Variants in DOCK1 observed in about 807,000 individuals in gnomAD.
DOCK1 encodes the protein dedicator of cytokinesis protein 1.
DOCK1 carries 138 observed loss-of-function variants against 262.7 expected under a neutral mutation model. The ratio of observed to expected loss-of-function variants is 0.53; its 90% CI spans 0.46 to 0.61. The LOEUF (loss-of-function observed/expected upper bound fraction) is 0.61. Ranked by LOEUF, DOCK1 falls within the 20% of genes least tolerant of loss-of-function variation. DOCK1 has a pLI of 0.00. For synonymous variants in DOCK1, 866 were observed against 867.4 expected (o/e 1.00, Z 0.03); for missense variants, 1,908 against 2,370.7 (o/e 0.80, Z 4.05).
At chr10:127,180,955 G>A (rs1372365739) in intron 27 of DOCK1, among the ~76,000 whole-genome samples, 1 of 152,154 alleles carries the variant, frequency 6.6e-6, no homozygotes, top group Non-Finnish European at 1.5e-5. Flanking sequence ...AATGGAGGGA[G>A]GTACAGCGTC....
chr10:127,158,715 A>G (rs2053314857), intron 27 of DOCK1, among the ~76,000 whole-genome samples: 1 of 152,210 alleles, frequency 6.6e-6, no homozygotes, highest in Admixed American at 6.5e-5. Context: ...TTTTCTCCCC[A>G]TATGAACTCC....
chr10:127,159,290 A>G (rs2053377779), intron 27 of DOCK1, among the ~76,000 whole-genome samples: 1 of 152,160 alleles, frequency 6.6e-6, no homozygotes, highest in Non-Finnish European at 1.5e-5. Context: ...TACAGAACAC[A>G]GCGTGGAGCT....
chr10:127,294,208 A>C (rs542222050), intron 29 of DOCK1, among the ~76,000 whole-genome samples: 56 of 152,330 alleles, frequency 3.7e-4, no homozygotes, highest in African/African-American at 1.3e-3. Flanking sequence ...TTATAATGCA[A>C]TAGAACAGAT....
At chr10:127,390,094 TA>T (rs1045516964) in intron 38 of DOCK1, among the ~76,000 whole-genome samples, 16 of 152,058 alleles carry the variant, frequency 1.1e-4, no homozygotes, top group African/African-American at 3.6e-4. Flanking sequence ...GCCGTGAGTA[TA>T]AGCTCCCTGA....
chr10:127,102,299 A>G (rs1423466682), intron 23 of DOCK1, among the ~76,000 whole-genome samples: 1 of 152,210 alleles, frequency 6.6e-6, no homozygotes, highest in Non-Finnish European at 1.5e-5. Flanking sequence ...GGGGATAGTA[A>G]TAGGCCTCCT....
At position 127,125,485 on chromosome 10, in the gene DOCK1, A is replaced by C. The variant is rs1480875553; in HGVS notation, c.2635A>C (p.Ile879Leu). 1 of 1,612,946 alleles carries C rather than the reference A, an allele frequency of 6.2e-7. No individual in the cohort carries two copies. The highest frequency in any genetic ancestry group is 1.1e-5 in the South Asian group (1 of 90,982). ...TGTGTCCTGTGTAGACTGCAGAGAG[A>C]TCCTGCTTCCCATGATGACCGATCA... ...DLFTQHDCRE[I>L]LLPMMTDQLK... is the part of the protein sequence containing the mutation. Residue 879 changes from isoleucine to leucine, a missense_variant, in exon 26 of 52, where the codon ATC (isoleucine) becomes CTC (leucine). Ile to Leu is a conservative substitution (Grantham distance 5). This residue lies in a region of DOCK1 where 518 missense variants were observed against 575.1 expected (regional missense o/e 0.90). Coordinates refer to ENST00000623213, the MANE Select transcript of DOCK1 (RefSeq NM_001290223.2).
chr10:127,157,481 T>C (rs1353154810), intron 27 of DOCK1, among the ~76,000 whole-genome samples: 3 of 152,264 alleles, frequency 2.0e-5, no homozygotes, highest in Non-Finnish European at 2.9e-5. Context: ...GAAACACTTC[T>C]TGACTTTTAC....
chr10:127,215,442 C>T (rs1489738154), intron 27 of DOCK1, among the ~76,000 whole-genome samples: 1 of 152,302 alleles, frequency 6.6e-6, no homozygotes, highest in East Asian at 1.9e-4. Context: ...ATGGCAGGTC[C>T]AGTTCCCACG....
chr10:126,948,911 A>G (rs1183815409), intron 1 of DOCK1, among the ~76,000 whole-genome samples: 1 of 152,070 alleles, frequency 6.6e-6, no homozygotes. Context: ...GTGAGAAGGC[A>G]GGTCTGGAGC....
intron 24 of DOCK1, among the ~76,000 whole-genome samples, chr10:127,108,554 C>G (rs1047397946): frequency 2.0e-5 from 3 of 152,104 alleles, no homozygotes; most frequent in African/African-American, 7.2e-5. Context: ...GCATTGTACT[C>G]CAGCCTGGGT....
At chr10:126,992,746 A>T (rs201524452) in intron 6 of DOCK1, among the ~76,000 whole-genome samples, 2,892 of 143,468 alleles carry the variant, frequency 0.02, 39 homozygotes, top group Non-Finnish European at 0.032. Context: ...AGACACACAC[A>T]CACACACACA....
rs2043704823 is a variant in DOCK1 at position 127,037,343 on chromosome 10, A to C, written c.1913-376A>C. On this transcript the variant is annotated intron_variant, in intron 18 of 51. Transcript: ENST00000623213. ...ATAGCAGCTTGTTCTTGAGCAGGAG[A>C]AACAAACCATTTGGTATCCAGTGCC... Among the ~76,000 whole-genome samples, 7 of 152,174 alleles carry C rather than the reference A, an allele frequency of 4.6e-5. No homozygotes were observed. In the South Asian group the frequency reaches 1.5e-3, roughly 32 times the overall value.
chr10:127,291,746 G>A (rs527252852), intron 29 of DOCK1, among the ~76,000 whole-genome samples: 1 of 152,304 alleles, frequency 6.6e-6, no homozygotes, highest in African/African-American at 2.4e-5. Flanking sequence ...CTCCTGTTGC[G>A]CTGGCTGTGT....
intron 1 of DOCK1, among the ~76,000 whole-genome samples, chr10:126,919,969 G>T (rs1294886684): frequency 6.6e-6 from 1 of 152,132 alleles, no homozygotes; most frequent in Non-Finnish European, 1.5e-5. Flanking sequence ...GTCTTGGAGG[G>T]GGCACCACTT....
chr10:127,250,294 G>C (rs2059580624), intron 28 of DOCK1, among the ~76,000 whole-genome samples: 1 of 152,168 alleles, frequency 6.6e-6, no homozygotes, highest in African/African-American at 2.4e-5. Context: ...GATCCTTCAA[G>C]GTAAGTGAAA....
intron 32 of DOCK1, among the ~76,000 whole-genome samples, chr10:127,361,247 G>T (rs973154994): frequency 8.6e-5 from 13 of 151,396 alleles, no homozygotes; most frequent in African/African-American, 3.2e-4. Context: ...CCAGGTAGCT[G>T]GGACTACAGG....
rs116913863 is a variant in DOCK1, at chr10:127,376,293, G to A, written c.3675+2079G>A. Among the ~76,000 whole-genome samples, 483 of 152,354 alleles carry A rather than the reference G, an allele frequency of 3.2e-3. 2 individuals carry two copies. The highest frequency in any genetic ancestry group is 0.022 in the South Asian group (104 of 4,830). On this transcript the variant is annotated intron_variant, in intron 35 of 51. Coordinates refer to ENST00000623213, the MANE Select transcript of DOCK1 (RefSeq NM_001290223.2). ...CTGTAACAGTGTGAAGAATGCCTCT[G>A]ATGGTCTCATCAATCAACTGGACAC...
At chr10:127,031,156 C>T (rs2043212570) in intron 16 of DOCK1, among the ~76,000 whole-genome samples, 1 of 152,186 alleles carries the variant, frequency 6.6e-6, no homozygotes, top group Non-Finnish European at 1.5e-5. Flanking sequence ...CCCGCAGTTT[C>T]CTTGGTGGAA....
At chr10:127,349,283 A>G (rs938831400) in intron 31 of DOCK1, among the ~76,000 whole-genome samples, 3 of 151,826 alleles carry the variant, frequency 2.0e-5, no homozygotes, top group African/African-American at 7.3e-5. Flanking sequence ...GCTGCCCCCA[A>G]GCAGATGGAG....
Sources: allele counts gnomAD v4.1 joint callset (sites outside exome capture counted in the v4.1 genomes callset), GRCh38; gene constraint gnomAD v4.1.1; regional missense constraint gnomAD v4.1.1; transcripts MANE v1.5; gene names NCBI Gene and HGNC (gene_info 2026-07-23, HGNC 2026-07-21).